The following EYS variants were observed in gnomAD, a reference collection of about 807,000 sequenced individuals.
EYS encodes the protein protein eyes shut homolog.
EYS carries 250 observed loss-of-function variants against 282.1 expected under a neutral mutation model. The observed-to-expected ratio is 0.89, with a 90% CI of 0.80 to 0.98. The LOEUF (loss-of-function observed/expected upper bound fraction) is 0.98, where lower values mean the gene tolerates loss of function less well. Among genes scored for constraint, EYS ranks in the 50% least tolerant of loss-of-function variants. EYS has a pLI of 0.00. For synonymous variants in EYS, 1,355 were observed against 1,282.9 expected, an observed-to-expected ratio of 1.06 and a Z score of -1.20; for missense variants, 4,016 against 3,709.0, an observed-to-expected ratio of 1.08 and a Z score of -2.15.
chr6:64,659,314 C>T (rs1256572943), intron 22 of EYS, among the ~76,000 whole-genome samples: 1 of 151,960 alleles, frequency 6.6e-6, no homozygotes, highest in Non-Finnish European at 1.5e-5. Flanking sequence ...CCTAACATCA[C>T]AATTAAAAGA....
At chr6:65,402,326 C>T (rs906878421) in intron 7 of EYS, 152 bp downstream of exon 7, 6 of 460,468 alleles carry the variant, frequency 1.3e-5, no homozygotes, top group African/African-American at 2.0e-5. Context: ...TAACCCAAAA[C>T]ATGCAAAAAA....
At chr6:64,327,529 T>C (rs1770472741) in intron 29 of EYS, among the ~76,000 whole-genome samples, 1 of 152,058 alleles carries the variant, frequency 6.6e-6, no homozygotes, top group Non-Finnish European at 1.5e-5. Flanking sequence ...GGGCCAAGTG[T>C]TCCGGGTAGT....
At chr6:64,811,727 G>A (rs1764600631) in intron 22 of EYS, among the ~76,000 whole-genome samples, 1 of 152,078 alleles carries the variant, frequency 6.6e-6, no homozygotes. Flanking sequence ...TCACATCTCT[G>A]CCATCCTATG....
At chr6:64,114,467 A>T (rs909721171) in intron 31 of EYS, among the ~76,000 whole-genome samples, 8 of 152,292 alleles carry the variant, frequency 5.3e-5, no homozygotes, top group African/African-American at 1.9e-4. Context: ...CCCTAGGAAG[A>T]GCTCAGGAGT....
intron 12 of EYS, among the ~76,000 whole-genome samples, chr6:65,181,633 T>G (rs932199842): frequency 2.3e-4 from 35 of 152,250 alleles, no homozygotes; most frequent in African/African-American, 8.4e-4. Flanking sequence ...GTTCAACCGT[T>G]GTGGAAATCA....
intron 22 of EYS, among the ~76,000 whole-genome samples, chr6:64,668,771 G>A (rs1248680931): frequency 6.6e-6 from 1 of 151,656 alleles, no homozygotes; most frequent in Non-Finnish European, 1.5e-5. Context: ...GTTTCAGCAT[G>A]TTGGCCAGGA....
intron 12 of EYS, among the ~76,000 whole-genome samples, chr6:65,155,637 T>A (rs1380596274): frequency 6.6e-6 from 1 of 151,606 alleles, no homozygotes; most frequent in African/African-American, 2.4e-5. Context: ...TCCTCATTTT[T>A]AAAACATTTG....
chr6:65,359,253 A>G (rs1764607793), intron 8 of EYS, among the ~76,000 whole-genome samples: 1 of 152,046 alleles, frequency 6.6e-6, no homozygotes, highest in Non-Finnish European at 1.5e-5. Context: ...AAATAAGCAA[A>G]TTTTGCAGTA....
At chr6:64,120,309 T>G (rs1253931923) in intron 31 of EYS, among the ~76,000 whole-genome samples, 2 of 125,904 alleles carry the variant, frequency 1.6e-5, no homozygotes, top group African/African-American at 3.2e-5. Flanking sequence ...TGAGAGGAGA[T>G]CGCACCACTG....
intron 12 of EYS, among the ~76,000 whole-genome samples, chr6:65,259,200 G>C (rs1767551646): frequency 6.6e-6 from 1 of 152,136 alleles, no homozygotes; most frequent in Non-Finnish European, 1.5e-5. Context: ...AAAGGAACTG[G>C]TGTTGGTCAT....
chr6:65,507,911 C>A (rs1766716593), intron 2 of EYS, among the ~76,000 whole-genome samples: 1 of 152,262 alleles, frequency 6.6e-6, no homozygotes, highest in East Asian at 1.9e-4. Flanking sequence ...GTATTTACAA[C>A]ATCCTCGTGA....
intron 41 of EYS, among the ~76,000 whole-genome samples, chr6:63,756,248 G>A (rs761920097): frequency 4.6e-5 from 7 of 152,148 alleles, no homozygotes; most frequent in Non-Finnish European, 8.8e-5. Flanking sequence ...CATTCAGTAT[G>A]ATATTGTCTG....
At chr6:63,904,849 G>A (rs1773737504) in intron 35 of EYS, among the ~76,000 whole-genome samples, 1 of 152,192 alleles carries the variant, frequency 6.6e-6, no homozygotes, top group South Asian at 2.1e-4. Context: ...TTTTGTATGA[G>A]TCAAACCAGA....
chr6:65,044,419 T>C (rs879326860), intron 13 of EYS, among the ~76,000 whole-genome samples: 3 of 151,820 alleles, frequency 2.0e-5, no homozygotes, highest in Non-Finnish European at 4.4e-5. Context: ...CTTTGTTGCC[T>C]GTGCTTTTGG....
chr6:65,163,565 T>G (rs1439356939), intron 12 of EYS, among the ~76,000 whole-genome samples: 1 of 151,026 alleles, frequency 6.6e-6, no homozygotes, highest in East Asian at 2.0e-4. Context: ...AAGAAGTGAG[T>G]GTAAAAGGCA....
intron 22 of EYS, chr6:64,733,059 T>A (rs889644883): frequency 5.9e-5 from 9 of 152,226 alleles, no homozygotes; most frequent in Non-Finnish European, 1.2e-4. Flanking sequence ...AACAATGGCA[T>A]CACCAGATAG....
At chr6:64,213,668 C>A (rs1215084544) in intron 31 of EYS, among the ~76,000 whole-genome samples, 1 of 152,054 alleles carries the variant, frequency 6.6e-6, no homozygotes, top group Non-Finnish European at 1.5e-5. Context: ...ACTTATGAAG[C>A]ATTAATGTGA....
chr6:64,813,858 C>G (rs2150016490), intron 21 of EYS, among the ~76,000 whole-genome samples: 1 of 151,970 alleles, frequency 6.6e-6, no homozygotes, highest in South Asian at 2.1e-4. Flanking sequence ...GCCCCTGCCC[C>G]CAATAATGGT....
chr6:63,758,083 G>A (rs1265323357), intron 41 of EYS, among the ~76,000 whole-genome samples: 1 of 151,860 alleles, frequency 6.6e-6, no homozygotes, highest in Non-Finnish European at 1.5e-5. Context: ...TATTTTTTTT[G>A]TAGAGATGAG....
Sources: allele counts gnomAD v4.1 joint callset (sites outside exome capture counted in the v4.1 genomes callset), GRCh38; gene constraint gnomAD v4.1.1; transcripts MANE v1.5; gene names NCBI Gene and HGNC (gene_info 2026-07-23, HGNC 2026-07-21).